The following CA12 variants were observed in gnomAD, a reference collection of about 807,000 sequenced individuals.
CA12 encodes carbonate dehydratase XII.
In CA12, 36 loss-of-function variants were observed where a neutral mutation model predicts 46.8. The ratio of observed to expected loss-of-function variants is 0.77; its 90% CI spans 0.59 to 1.02. The LOEUF (loss-of-function observed/expected upper bound fraction) is 1.02, where lower values mean the gene tolerates loss of function less well. Ranked by LOEUF, CA12 falls within the 50% of genes least tolerant of loss-of-function variation. CA12 has a pLI of 0.00. For synonymous variants in CA12, 202 were observed against 187.0 expected (o/e 1.08, Z -0.65); for missense variants, 436 against 451.4 (o/e 0.97, Z 0.31).
chr15:63,352,095 A>G (rs2039239955), intron 2 of CA12, among the ~76,000 whole-genome samples: 1 of 152,192 alleles, frequency 6.6e-6, no homozygotes, highest in African/African-American at 2.4e-5. Context: ...TTGCTCTGTC[A>G]CCAAGGCTGG....
intron 2 of CA12, among the ~76,000 whole-genome samples, chr15:63,347,250 C>T (rs1419181960): frequency 6.6e-6 from 1 of 152,314 alleles, no homozygotes. Context: ...CCATTCCTTT[C>T]AGGCAAAAAC....
intron 2 of CA12, among the ~76,000 whole-genome samples, chr15:63,354,904 G>A (rs770061619): frequency 6.6e-6 from 1 of 152,152 alleles, no homozygotes; most frequent in Non-Finnish European, 1.5e-5. Flanking sequence ...GCTGGGTGGG[G>A]GATGAGGCGG....
intron 2 of CA12, among the ~76,000 whole-genome samples, chr15:63,369,621 G>A (rs2039477474): frequency 6.6e-6 from 1 of 152,224 alleles, no homozygotes; most frequent in African/African-American, 2.4e-5. Context: ...TGATGCTAAT[G>A]CTGCTGGCCC....
chr15:63,348,015 C>T lies in CA12; in HGVS notation c.107-1306G>A, dbSNP rs970959604. Among the ~76,000 whole-genome samples, 14 of 152,142 alleles carry T rather than the reference C, an allele frequency of 9.2e-5. No homozygotes were observed. The highest frequency in any genetic ancestry group is 5.2e-4 in the Admixed American group (8 of 15,264). On this transcript the variant is annotated intron_variant, in intron 2 of 10. Transcript: ENST00000178638. The surrounding 1 kb of genome is among the most constrained non-coding windows in gnomAD (Gnocchi z 4.6). ...ACATCGTGCTCTCTAACTAGGGGAC[C>T]GTATCTGAGAGTGGGAAGAATCCGA...
At chr15:63,381,610 A>G in intron 1 of CA12, 26 bp downstream of exon 1, 2 of 1,596,554 alleles carry the variant, frequency 1.3e-6, no homozygotes, top group Non-Finnish European at 1.7e-6. Flanking sequence ...CAGGAGTGTT[A>G]GGAAAGAAGC....
chr15:63,381,182 A>C (rs565989032), intron 1 of CA12, among the ~76,000 whole-genome samples: 19 of 152,298 alleles, frequency 1.2e-4, no homozygotes, highest in Admixed American at 1.3e-4. Context: ...TTAATGGTAA[A>C]GATCCTCTCC....
In CA12 at chr15:63,340,489, G is replaced by T; in HGVS notation, c.590-44C>A. 1.2e-6 allele frequency: 2 copies of T among 1,611,396 alleles called. No homozygotes were observed. The highest frequency in any genetic ancestry group is 1.7e-6 in the Non-Finnish European group (2 of 1,177,458). ...GAGGTGATAGTGTCAGCCTCCCTCC[G>T]TAGGGCATAAGTGCAGCTGAACAGA... On this transcript the variant is annotated intron_variant, in intron 6 of 10. Transcript: ENST00000178638. This position sits in a 1 kb window ranked among gnomAD's most constrained non-coding sequence, Gnocchi z 4.4.
intron 8 of CA12, among the ~76,000 whole-genome samples, chr15:63,335,509 G>A (rs1229635595): frequency 1.3e-5 from 2 of 151,244 alleles, no homozygotes; most frequent in East Asian, 1.9e-4. Flanking sequence ...TGTCACCCAA[G>A]CTGGAGTGCA....
At chr15:63,369,440 C>A (rs1006989457) in intron 2 of CA12, among the ~76,000 whole-genome samples, 1 of 152,340 alleles carries the variant, frequency 6.6e-6, no homozygotes, top group Admixed American at 6.5e-5. Flanking sequence ...CATGTGTTAT[C>A]TTATTTGATC....
rs1245858148 is a variant in CA12, at chr15:63,322,901, C to G, written c.*3384G>C. ...GCCAAAGTACCCTTGAACAGTTCACCTCTCTCAGGCTTAGGGTGATTATAG... is the reference window on the plus strand; with the variant it reads ...GCCAAAGTACCCTTGAACAGTTCACGTCTCTCAGGCTTAGGGTGATTATAG... On this transcript the variant is annotated 3_prime_UTR_variant, in exon 11 of 11. Transcript: ENST00000178638. The surrounding 1 kb of genome is among the most constrained non-coding windows in gnomAD (Gnocchi z 4.1). The G allele has an allele frequency of 1.3e-5, 2 of 152,236 alleles. No individual in the cohort carries two copies. Among genetic ancestry groups the G allele is most frequent in the African/African-American group, 4.8e-5 (2 of 41,444 alleles). 9.4% of individuals were successfully genotyped at this position (152,236 alleles called of 1,614,324 possible). A position where few individuals can be genotyped will look rare whatever the true frequency, so the allele number is the denominator to read the frequency against.
intron 2 of CA12, among the ~76,000 whole-genome samples, chr15:63,359,313 C>T (rs751842644): frequency 6.6e-6 from 1 of 151,966 alleles, no homozygotes; most frequent in African/African-American, 2.4e-5. Flanking sequence ...TCCAAAGCTC[C>T]CCCCAACCCT....
chr15:63,363,916 G>A (rs747483258), intron 2 of CA12, among the ~76,000 whole-genome samples: 29 of 152,206 alleles, frequency 1.9e-4, no homozygotes, highest in Admixed American at 3.9e-4. Context: ...GGCCGGATGC[G>A]GTGGCTCACG....
intron 2 of CA12, among the ~76,000 whole-genome samples, chr15:63,363,032 C>G (rs769313556): frequency 6.6e-6 from 1 of 152,176 alleles, no homozygotes; most frequent in Non-Finnish European, 1.5e-5. Context: ...CCTATCTCAC[C>G]GGGTGCTGTG....
At position 63,338,807 on chromosome 15, in the gene CA12, G is replaced by C; in HGVS notation, c.874+12C>G. 6.2e-7 allele frequency: 1 copy of C among 1,613,868 alleles called. No homozygotes were observed. The highest frequency in any genetic ancestry group is 8.5e-7 in the Non-Finnish European group (1 of 1,179,984). ...TCCCGCACCCCCTCCCCCCAGCACT[G>C]CCTCTCCTCACCTTGGGAGAAGGAG... is the stretch of plus-strand genomic sequence containing the variant. On this transcript the variant is annotated intron_variant, in intron 8 of 10. Transcript: ENST00000178638.
At chr15:63,353,259 A>G (rs116016539) in intron 2 of CA12, among the ~76,000 whole-genome samples, 1,628 of 152,250 alleles carry the variant, frequency 0.011, 28 homozygotes, top group African/African-American at 0.037. Flanking sequence ...CAGGCTTCCC[A>G]GAGGAGGCGC....
At position 63,341,086 on chromosome 15, in the gene CA12, A is replaced by G. The variant is rs140120607; in HGVS notation, c.526-303T>C. The stretch of plus-strand genomic sequence containing the variant: ...AGCCTGAAGGCTTTGACTAACATCC[A>G]TGTCACACAGAACTTAAGGAGCTCT... On this transcript the variant is annotated intron_variant, in intron 5 of 10. Coordinates refer to ENST00000178638, the MANE Select transcript of CA12 (RefSeq NM_001218.5). The surrounding 1 kb of genome is among the most constrained non-coding windows in gnomAD (Gnocchi z 5.2). 4.0e-3 allele frequency among the ~76,000 whole-genome samples: 613 copies of G among 152,268 alleles called. 7 individuals are homozygous for G. The highest frequency in any genetic ancestry group is 0.014 in the African/African-American group (588 of 41,544).
intron 2 of CA12, among the ~76,000 whole-genome samples, chr15:63,351,602 C>T (rs1408948868): frequency 6.6e-6 from 1 of 152,240 alleles, no homozygotes; most frequent in Non-Finnish European, 1.5e-5. Flanking sequence ...TATGCCAACC[C>T]ACCTTCACAA....
In CA12 at chr15:63,323,568, T is replaced by C. The variant is rs77882042; in HGVS notation, c.*2717A>G. The C allele has an allele frequency of 0.034, 5,199 of 151,404 alleles. 107 individuals carry two copies. Among genetic ancestry groups the C allele is most frequent in the South Asian group, 0.086 (412 of 4,788 alleles). The allele number at this position is 151,404 out of a possible 1,614,324, so 9.4% of individuals were successfully genotyped here. ...CATTTATAATTTCTTGTAGTTACAG[T>C]GTGTATCTTCATTATAATCATTCTT... On this transcript the variant is annotated 3_prime_UTR_variant, in exon 11 of 11. Transcript: ENST00000178638. This position sits in a 1 kb window ranked among gnomAD's most constrained non-coding sequence, Gnocchi z 5.1.
chr15:63,349,376 G>A (rs1313576764), intron 2 of CA12, among the ~76,000 whole-genome samples: 1 of 152,180 alleles, frequency 6.6e-6, no homozygotes, highest in Non-Finnish European at 1.5e-5. Context: ...AGGGCACAGG[G>A]CACCGGTGCT....
Sources: gnomAD v4.1 joint callset for allele counts (sites outside exome capture counted in the v4.1 genomes callset) on GRCh38, gnomAD v4.1.1 for gene constraint, Gnocchi (gnomAD v3.1) non-coding constraint, MANE v1.5 for transcripts, NCBI Gene and HGNC (gene_info 2026-07-23, HGNC 2026-07-21) for gene names.